Variants in TANC1 observed in about 807,000 individuals in gnomAD.
TANC1 encodes the protein protein TANC1.
A neutral mutation model predicts 149.7 loss-of-function variants in TANC1; 77 were observed. That is an observed-to-expected ratio of 0.51 (90% CI 0.43 to 0.62). The LOEUF is 0.62. TANC1 is among the 20% of genes least tolerant of loss of function. The probability of loss-of-function intolerance (pLI) is 0.00; values close to 1 mark genes in which losing one functional copy is unlikely to be tolerated. For missense variants in TANC1, 1,985 were observed against 2,321.8 expected (o/e 0.85, Z 2.98); for synonymous variants, 854 against 925.0 (o/e 0.92, Z 1.39).
At chr2:159,101,100 A>G (rs74821603) in intron 4 of TANC1, among the ~76,000 whole-genome samples, 13,531 of 152,124 alleles carry the variant, frequency 0.089, 820 homozygotes, top group Admixed American at 0.17. Context: ...AACTACCTTG[A>G]TGACTTTTGT....
chr2:159,003,072 G>A (rs2036770125), intron 2 of TANC1, among the ~76,000 whole-genome samples: 1 of 152,294 alleles, frequency 6.6e-6, no homozygotes. Context: ...ATCAAAAGTC[G>A]TTTGCAGAAC....
chr2:159,003,734 A>AGCTGCC lies in TANC1; in HGVS notation c.-16+2554_-16+2559dup, dbSNP rs748239196. ...AGCTGTATCACGTTGGATCTGCTCCAGCTGCCGCTGCCGCAGTCGTCGTCT... is the reference window on the plus strand; with the variant it reads ...AGCTGTATCACGTTGGATCTGCTCCAGCTGCCGCTGCCGCTGCCGCAGTCGTCGTCT... On this transcript the variant is annotated intron_variant, in intron 2 of 26. Transcript: ENST00000263635. 6.7e-4 allele frequency among the ~76,000 whole-genome samples: 102 copies of AGCTGCC among 152,202 alleles called. 1 individual carries two copies. The South Asian group carries it at 7.7e-3, about 11-fold the overall frequency.
chr2:159,194,212 GA>G (rs1318247163), intron 16 of TANC1, 44 bp from the exon 17 acceptor site: 1 of 1,502,082 alleles, frequency 6.7e-7, no homozygotes, highest in South Asian at 1.1e-5. Context: ...GAAATGTTTA[GA>G]TGACATACAT....
At chr2:158,984,584 C>T (rs974881577) in intron 1 of TANC1, among the ~76,000 whole-genome samples, 2 of 152,150 alleles carry the variant, frequency 1.3e-5, no homozygotes, top group Non-Finnish European at 2.9e-5. Context: ...TTGTGCACTT[C>T]AGGGTTTGAG....
intron 10 of TANC1, among the ~76,000 whole-genome samples, chr2:159,171,099 T>G (rs930669100): frequency 6.6e-6 from 1 of 152,156 alleles, no homozygotes; most frequent in African/African-American, 2.4e-5. Context: ...CCTGGAGAAT[T>G]TGGGGCCCTA....
At chr2:159,150,045 G>A in intron 6 of TANC1, 1 of 219,560 alleles carries the variant, frequency 4.6e-6, no homozygotes, top group Non-Finnish European at 8.9e-6. Flanking sequence ...CAAATGAAAG[G>A]AAGTCTGCCT....
chr2:159,212,387 C>G (rs1168050536), intron 19 of TANC1, among the ~76,000 whole-genome samples: 2 of 152,160 alleles, frequency 1.3e-5, no homozygotes, highest in African/African-American at 4.8e-5. Flanking sequence ...CCCAGATCTT[C>G]TAGCGTAAGA....
intron 3 of TANC1, among the ~76,000 whole-genome samples, chr2:159,078,087 G>T (rs1055138102): frequency 6.6e-6 from 1 of 152,130 alleles, no homozygotes; most frequent in Non-Finnish European, 1.5e-5. Flanking sequence ...TACTTCCTGG[G>T]TTTGTATCCT....
chr2:159,060,245 A>G (rs1204349419), intron 2 of TANC1: 3 of 188,792 alleles, frequency 1.6e-5, no homozygotes, highest in African/African-American at 4.8e-5. Flanking sequence ...TCACTTGTAA[A>G]TGTTGCTACT....
intron 5 of TANC1, among the ~76,000 whole-genome samples, chr2:159,138,696 T>G (rs1423519062): frequency 1.3e-5 from 2 of 152,242 alleles, no homozygotes; most frequent in African/African-American, 4.8e-5. Context: ...CATTCTTGTT[T>G]AAGTTTCTAA....
intron 2 of TANC1, among the ~76,000 whole-genome samples, chr2:159,060,324 T>G (rs1287172394): frequency 6.6e-6 from 1 of 152,214 alleles, no homozygotes; most frequent in Admixed American, 6.5e-5. Flanking sequence ...GTGGATAGTT[T>G]GATGGGAGAA....
intron 19 of TANC1, among the ~76,000 whole-genome samples, chr2:159,204,778 A>G (rs1209064487): frequency 6.6e-6 from 1 of 152,224 alleles, no homozygotes; most frequent in Non-Finnish European, 1.5e-5. Flanking sequence ...ATTGTTGAAT[A>G]CTTTCTAAAG....
Position 158,996,641 on chromosome 2 carries a change from C to T in TANC1, c.-125-4439C>T, listed in dbSNP as rs542073409. 2.4e-4 allele frequency among the ~76,000 whole-genome samples: 36 copies of T among 152,296 alleles called. No homozygotes were observed. The South Asian group carries it at 6.4e-3, about 27-fold the overall frequency. On this transcript the variant is annotated intron_variant, in intron 1 of 26. Transcript: ENST00000263635. ...TCTAGTTTTATTGAATGACTTCCAG[C>T]AATTAACTGTGTTGAATTACTAAAC...
At chr2:159,182,879 G>C (rs2056631490) in intron 14 of TANC1, among the ~76,000 whole-genome samples, 1 of 152,206 alleles carries the variant, frequency 6.6e-6, no homozygotes, top group Admixed American at 6.5e-5. Flanking sequence ...TATTAGCTCT[G>C]TTCTCTGTTA....
At chr2:159,114,323 A>G (rs2048027660) in intron 4 of TANC1, among the ~76,000 whole-genome samples, 2 of 152,212 alleles carry the variant, frequency 1.3e-5, no homozygotes, top group African/African-American at 4.8e-5. Flanking sequence ...GGAAGAAATG[A>G]TATCAGTGGC....
chr2:159,154,821 GT>G (rs1301634773), intron 7 of TANC1, among the ~76,000 whole-genome samples: 13 of 152,288 alleles, frequency 8.5e-5, no homozygotes, highest in African/African-American at 3.1e-4. Flanking sequence ...AATTTGCAAT[GT>G]GAAAATCTTC....
chr2:159,139,576 C>G (rs918178263), intron 5 of TANC1, among the ~76,000 whole-genome samples: 2 of 152,126 alleles, frequency 1.3e-5, no homozygotes, highest in African/African-American at 4.8e-5. Flanking sequence ...TTAGGGGTAA[C>G]CATAATTTAT....
intron 5 of TANC1, 47 bp downstream of exon 5, chr2:159,136,345 C>T (rs2050747131): frequency 1.9e-6 from 2 of 1,046,000 alleles, no homozygotes; most frequent in Non-Finnish European, 1.5e-6. Context: ...AGATTTTATA[C>T]AATGACACTT....
chr2:159,208,772 A>G (rs1244348941), intron 19 of TANC1, among the ~76,000 whole-genome samples: 1 of 152,218 alleles, frequency 6.6e-6, no homozygotes, highest in African/African-American at 2.4e-5. Flanking sequence ...CAAAACCACA[A>G]CTTTTTAAAT....
Sources: gnomAD v4.1 joint callset for allele counts (sites outside exome capture counted in the v4.1 genomes callset) on GRCh38, gnomAD v4.1.1 for gene constraint, MANE v1.5 for transcripts, NCBI Gene and HGNC (gene_info 2026-07-23, HGNC 2026-07-21) for gene names.